MKLN1: variants seen among roughly 807,000 people sequenced by gnomAD.
MKLN1 encodes the protein muskelin 1.
A neutral mutation model predicts 99.0 loss-of-function variants in MKLN1; 18 were observed. The observed-to-expected ratio is 0.18, with a 90% CI of 0.13 to 0.27. The LOEUF is 0.27. MKLN1 is among the 10% of genes least tolerant of loss of function. The pLI is 1.00. For missense variants in MKLN1, 621 were observed against 875.9 expected, an observed-to-expected ratio of 0.71 and a Z score of 3.67; for synonymous variants, 288 against 293.2, an observed-to-expected ratio of 0.98 and a Z score of 0.18.
intron 2 of MKLN1, among the ~76,000 whole-genome samples, chr7:131,197,386 TA>T (rs1241659449): frequency 1.5e-4 from 3 of 20,264 alleles, no homozygotes; most frequent in African/African-American, 3.5e-4. Flanking sequence ...ATTTTATTAT[TA>T]TTATTATTAT....
At chr7:131,467,837 G>C (rs1301160466) in intron 15 of MKLN1, among the ~76,000 whole-genome samples, 1 of 152,222 alleles carries the variant, frequency 6.6e-6, no homozygotes, top group African/African-American at 2.4e-5. Flanking sequence ...CTTTCCCTCA[G>C]GTGGGGAATT....
intron 6 of MKLN1, among the ~76,000 whole-genome samples, chr7:131,405,848 A>G (rs764929717): frequency 1.2e-4 from 19 of 152,078 alleles, no homozygotes; most frequent in Non-Finnish European, 2.5e-4. Flanking sequence ...AGCTTATTCA[A>G]TTTTTATAAA....
intron 3 of MKLN1, among the ~76,000 whole-genome samples, chr7:131,285,965 T>A (rs527486047): frequency 1.3e-5 from 2 of 151,966 alleles, no homozygotes; most frequent in South Asian, 4.1e-4. Context: ...GACTTTTTTT[T>A]TTTTTTTTGA....
At chr7:131,182,927 A>G (rs940452860) in intron 2 of MKLN1, among the ~76,000 whole-genome samples, 1 of 152,214 alleles carries the variant, frequency 6.6e-6, no homozygotes, top group East Asian at 1.9e-4. Context: ...CTATGTGATC[A>G]ACGTGACCAT....
intron 3 of MKLN1, among the ~76,000 whole-genome samples, chr7:131,246,334 G>T (rs1423900354): frequency 2.6e-5 from 4 of 152,178 alleles, no homozygotes; most frequent in Non-Finnish European, 5.9e-5. Flanking sequence ...CCCCAGCCAG[G>T]GGTGTTAAAA....
intron 2 of MKLN1, among the ~76,000 whole-genome samples, chr7:131,186,192 A>G (rs7797846): frequency 0.17 from 25,127 of 151,590 alleles, 2,576 homozygotes; most frequent in Non-Finnish European, 0.23. Flanking sequence ...CTCCGTCTCA[A>G]AAACAAACAA....
At chr7:131,194,290 T>C (rs1584824289) in intron 2 of MKLN1, among the ~76,000 whole-genome samples, 1 of 152,102 alleles carries the variant, frequency 6.6e-6, no homozygotes, top group Admixed American at 6.6e-5. Context: ...GCTTCCAACT[T>C]CCCCCGGCAG....
upstream of MKLN1, among the ~76,000 whole-genome samples, chr7:131,325,837 T>C (rs536483278): frequency 1.3e-4 from 19 of 148,236 alleles, no homozygotes; most frequent in Non-Finnish European, 2.7e-4. Flanking sequence ...GAACAAGGAC[T>C]CTATGGGAAC....
intron 6 of MKLN1, among the ~76,000 whole-genome samples, chr7:131,403,779 C>T (rs1380030200): frequency 6.6e-6 from 1 of 152,076 alleles, no homozygotes; most frequent in East Asian, 1.9e-4. Context: ...AAAACAATTA[C>T]ATTATTAACA....
chr7:131,252,177 G>A (rs755644088), intron 3 of MKLN1, among the ~76,000 whole-genome samples: 12 of 152,098 alleles, frequency 7.9e-5, no homozygotes, highest in African/African-American at 1.4e-4. Context: ...CCAAAAGCCC[G>A]GACAGATACC....
chr7:131,309,284 G>C (rs928754237), intron 3 of MKLN1, among the ~76,000 whole-genome samples: 3 of 152,232 alleles, frequency 2.0e-5, no homozygotes, highest in African/African-American at 7.2e-5. Context: ...CTAAAAGGAA[G>C]AAGCTGAGGC....
chr7:131,161,841 G>A (rs1584800088), intron 2 of MKLN1, among the ~76,000 whole-genome samples: 1 of 151,732 alleles, frequency 6.6e-6, no homozygotes, highest in Non-Finnish European at 1.5e-5. Context: ...GCCTGGCCGT[G>A]ACACAGGTAT....
intron 2 of MKLN1, among the ~76,000 whole-genome samples, chr7:131,384,774 A>ATG (rs1298942344): frequency 2.2e-4 from 34 of 152,348 alleles, no homozygotes; most frequent in African/African-American, 8.2e-4. Flanking sequence ...GAGCTAATGC[A>ATG]TGTAAAAGTC....
chr7:131,443,472 T>C lies in MKLN1; in HGVS notation c.1174-9T>C. 6.3e-7 allele frequency: 1 copy of C among 1,588,544 alleles called. No homozygotes were observed. The highest frequency in any genetic ancestry group is 8.6e-7 in the Non-Finnish European group (1 of 1,156,804). ...TAAAACTATTCAATCTGTTGCCTTG[T>C]TCTGATAGATGTGTATGGACTCAGA... On this transcript the variant is annotated splice_polypyrimidine_tract_variant and intron_variant, in intron 10 of 17. Coordinates refer to ENST00000352689, the MANE Select transcript of MKLN1 (RefSeq NM_013255.5).
chr7:131,251,224 C>G (rs1797573637), intron 3 of MKLN1, among the ~76,000 whole-genome samples: 1 of 152,058 alleles, frequency 6.6e-6, no homozygotes, highest in Admixed American at 6.6e-5. Context: ...CAAAGCTTTA[C>G]CATCTTCCGA....
At chr7:131,238,130 G>C (rs550611585) in intron 3 of MKLN1, among the ~76,000 whole-genome samples, 1 of 152,244 alleles carries the variant, frequency 6.6e-6, no homozygotes, top group East Asian at 1.9e-4. Context: ...CTGGGCGACA[G>C]AGTGAGACCC....
At chr7:131,354,527 A>AGG (rs1357379045) in intron 1 of MKLN1, among the ~76,000 whole-genome samples, 3 of 151,276 alleles carry the variant, frequency 2.0e-5, no homozygotes, top group African/African-American at 7.3e-5. Context: ...GGGGGGGCGT[A>AGG]AATCTTGTGG....
chr7:131,310,393 T>C (rs577049492), intron 3 of MKLN1: 1 of 152,378 alleles, frequency 6.6e-6, no homozygotes, highest in South Asian at 2.1e-4. Flanking sequence ...AATCTGAGTG[T>C]CAAGGTATCC....
intron 3 of MKLN1, among the ~76,000 whole-genome samples, chr7:131,301,062 T>G (rs1327748557): frequency 6.6e-6 from 1 of 152,214 alleles, no homozygotes; most frequent in Non-Finnish European, 1.5e-5. Context: ...AGACATCTTT[T>G]GAGGAACGTA....
Sources: gnomAD v4.1 joint callset for allele counts (sites outside exome capture counted in the v4.1 genomes callset) on GRCh38, gnomAD v4.1.1 for gene constraint, MANE v1.5 for transcripts, NCBI Gene and HGNC (gene_info 2026-07-23, HGNC 2026-07-21) for gene names.